HSD17B4: variants seen among roughly 807,000 people sequenced by gnomAD.
The protein encoded by HSD17B4 is peroxisomal multifunctional enzyme type 2.
In HSD17B4, 70 loss-of-function variants were observed where a neutral mutation model predicts 101.0. The ratio of observed to expected loss-of-function variants is 0.69; its 90% confidence interval spans 0.57 to 0.85. HSD17B4 has a LOEUF of 0.85. Among genes scored for constraint, HSD17B4 ranks in the 40% least tolerant of loss-of-function variants. The pLI, the probability that HSD17B4 is intolerant of heterozygous loss-of-function variation, is 0.00. For synonymous variants in HSD17B4, 347 were observed against 297.1 expected, an observed-to-expected ratio of 1.17 and a Z score of -1.73; for missense variants, 984 against 892.4, an observed-to-expected ratio of 1.10 and a Z score of -1.31.
intron 9 of HSD17B4, among the ~76,000 whole-genome samples, chr5:119,490,993 A>G (rs965740187): frequency 6.6e-6 from 1 of 152,182 alleles, no homozygotes; most frequent in Non-Finnish European, 1.5e-5. Context: ...TTTAGCATGC[A>G]TGATTGATAA....
chr5:119,482,982 T>A (rs1241140009), intron 8 of HSD17B4, among the ~76,000 whole-genome samples: 3 of 152,022 alleles, frequency 2.0e-5, no homozygotes, highest in African/African-American at 7.2e-5. Context: ...ACTCTTCCCC[T>A]AGGTCAGACA....
chr5:119,532,984 A>G (rs1754244935), intron 22 of HSD17B4, among the ~76,000 whole-genome samples: 2 of 152,138 alleles, frequency 1.3e-5, no homozygotes, highest in Admixed American at 1.3e-4. Context: ...GCACGTTTAT[A>G]GATTGTTGCA....
intron 16 of HSD17B4, among the ~76,000 whole-genome samples, chr5:119,511,112 A>G (rs1561474139): frequency 6.6e-6 from 1 of 152,210 alleles, no homozygotes; most frequent in African/African-American, 2.4e-5. Context: ...TTGTAAAGCA[A>G]GTGTATCATT....
intron 12 of HSD17B4, among the ~76,000 whole-genome samples, chr5:119,498,405 C>G (rs1280942276): frequency 6.6e-6 from 1 of 152,120 alleles, no homozygotes; most frequent in East Asian, 1.9e-4. Flanking sequence ...CATTTTAGCT[C>G]TTAGTCCTTG....
At chr5:119,478,377 A>G (rs1748792492) in intron 7 of HSD17B4, among the ~76,000 whole-genome samples, 1 of 152,194 alleles carries the variant, frequency 6.6e-6, no homozygotes, top group African/African-American at 2.4e-5. Flanking sequence ...AGTTTCTGAA[A>G]ATAAATAATA....
chr5:119,465,148 G>A (rs967403808), intron 2 of HSD17B4, among the ~76,000 whole-genome samples: 1 of 152,136 alleles, frequency 6.6e-6, no homozygotes, highest in Non-Finnish European at 1.5e-5. Flanking sequence ...ATCACTTTGG[G>A]TGGTATGGCC....
At position 119,506,817 on chromosome 5, in the gene HSD17B4, G is replaced by A. The variant is rs2126806430; in HGVS notation, c.1262-1G>A. On this transcript the variant is annotated splice_acceptor_variant, in intron 14 of 23. Transcript: ENST00000510025. LOFTEE classifies it high-confidence loss of function. Reference sequence around the variant, plus strand: ...TGTATTTCTTTTACTTTTCTTTCTAGGAAAATTAAAATGTGAAGCAGTTGT... The same window carrying A: ...TGTATTTCTTTTACTTTTCTTTCTAAGAAAATTAAAATGTGAAGCAGTTGT... 6.4e-7 allele frequency: 1 copy of A among 1,551,864 alleles called. No individual in the cohort carries two copies. Among genetic ancestry groups the A allele is most frequent in the East Asian group, 2.3e-5 (1 of 44,390 alleles).
intron 1 of HSD17B4, among the ~76,000 whole-genome samples, chr5:119,454,389 T>C (rs1329751524): frequency 6.6e-6 from 1 of 151,592 alleles, no homozygotes; most frequent in Non-Finnish European, 1.5e-5. Context: ...CACTGTAACC[T>C]TGAACTCCTG....
chr5:119,532,728 G>A (rs1328131538), intron 22 of HSD17B4, among the ~76,000 whole-genome samples: 1 of 152,058 alleles, frequency 6.6e-6, no homozygotes, highest in Non-Finnish European at 1.5e-5. Flanking sequence ...CGGAGGAAAT[G>A]AAAGATGACA....
chr5:119,517,929 CT>C (rs1752781932), intron 17 of HSD17B4, among the ~76,000 whole-genome samples: 1 of 152,184 alleles, frequency 6.6e-6, no homozygotes, highest in Non-Finnish European at 1.5e-5. Context: ...TACTCTGTAT[CT>C]AGCTAATCTG....
At chr5:119,515,241 A>C (rs984165798) in intron 17 of HSD17B4, among the ~76,000 whole-genome samples, 195 bp downstream of exon 17, 3 of 152,054 alleles carry the variant, frequency 2.0e-5, no homozygotes, top group Non-Finnish European at 4.4e-5. Flanking sequence ...ATGTTTTCCC[A>C]CTAGATACCA....
intron 21 of HSD17B4, 118 bp downstream of exon 21, chr5:119,530,098 C>T (rs1753935090): frequency 2.8e-6 from 2 of 723,794 alleles, no homozygotes; most frequent in Non-Finnish European, 2.5e-6. Context: ...ATTCTTAATT[C>T]TTGAAGTGAA....
In HSD17B4 at chr5:119,473,990, A is replaced by G. The variant is rs555583311; in HGVS notation, c.195A>G (p.Arg65=). 4.4e-6 allele frequency: 7 copies of G among 1,607,982 alleles called. No homozygotes were observed. The African/African-American group carries it at 9.3e-5, about 21-fold the overall frequency. Reference sequence around the variant, plus strand: ...AGGTTGTTGAAGAAATAAGAAGGAGAGGTGGAAAAGCAGTGGCCAACTATG... The same window carrying G: ...AGGTTGTTGAAGAAATAAGAAGGAGGGGTGGAAAAGCAGTGGCCAACTATG... The part of the protein sequence containing the change: ...ADKVVEEIRR[R]GGKAVANYDS... The change falls in exon 3 of 24, where the codon AGA becomes AGG. Residue 65 remains arginine (R), a synonymous_variant. Transcript: ENST00000510025.
chr5:119,492,633 G>A (rs550835569), intron 10 of HSD17B4: 2 of 153,318 alleles, frequency 1.3e-5, no homozygotes, highest in South Asian at 2.0e-4. Context: ...GACAGAAATT[G>A]CAGCTGATCT....
chr5:119,480,245 GAT>G (rs1247067601), intron 8 of HSD17B4, among the ~76,000 whole-genome samples: 1 of 152,010 alleles, frequency 6.6e-6, no homozygotes, highest in African/African-American at 2.4e-5. Flanking sequence ...TCCTTTATCA[GAT>G]ATATGTTTTA....
intron 17 of HSD17B4, among the ~76,000 whole-genome samples, chr5:119,516,065 T>C (rs759561191): frequency 6.6e-6 from 1 of 152,218 alleles, no homozygotes; most frequent in Non-Finnish European, 1.5e-5. Flanking sequence ...GCAGGACTTA[T>C]GTTTCCTAGC....
chr5:119,498,001 C>G (rs1750804802), intron 12 of HSD17B4, among the ~76,000 whole-genome samples: 2 of 152,054 alleles, frequency 1.3e-5, no homozygotes, highest in Non-Finnish European at 2.9e-5. Flanking sequence ...AGAACTATTT[C>G]AACATGGCTG....
intron 8 of HSD17B4, among the ~76,000 whole-genome samples, chr5:119,483,367 T>G (rs1369651961): frequency 6.6e-6 from 1 of 152,176 alleles, no homozygotes; most frequent in Non-Finnish European, 1.5e-5. Context: ...CTGGTGCTGA[T>G]AAGCAGAGTT....
At chr5:119,529,827 G>A in intron 20 of HSD17B4, 67 bp from the exon 21 acceptor site, 2 of 923,480 alleles carry the variant, frequency 2.2e-6, no homozygotes, top group South Asian at 1.3e-5. Flanking sequence ...ACTTTGTACT[G>A]TTTCACAGTG....
Sources: allele counts gnomAD v4.1 joint callset (sites outside exome capture counted in the v4.1 genomes callset), GRCh38; gene constraint gnomAD v4.1.1; transcripts MANE v1.5; gene names NCBI Gene and HGNC (gene_info 2026-07-23, HGNC 2026-07-21).